Variants in COMMD10 observed in about 807,000 individuals in gnomAD.
The protein encoded by COMMD10 is COMM domain-containing protein 10.
COMMD10 carries 33 observed loss-of-function variants against 28.9 expected under a neutral mutation model. That is an observed-to-expected ratio of 1.14 (90% CI 0.87 to 1.53). COMMD10 has a LOEUF of 1.53. Among genes scored for constraint, COMMD10 ranks in the 40% most tolerant of loss-of-function variants. The probability of loss-of-function intolerance (pLI) is 0.00; values close to 1 mark genes in which losing one functional copy is unlikely to be tolerated. For synonymous variants in COMMD10, 110 were observed against 81.7 expected (o/e 1.35, Z -1.87); for missense variants, 310 against 233.4 (o/e 1.33, Z -2.14).
chr5:116,116,698 C>T (rs887698080), intron 4 of COMMD10, among the ~76,000 whole-genome samples: 16 of 145,724 alleles, frequency 1.1e-4, no homozygotes, highest in African/African-American at 3.7e-4. Flanking sequence ...CAGTAAAATG[C>T]AGAGATTTTT....
chr5:116,158,507 C>T (rs1231344396), intron 5 of COMMD10, among the ~76,000 whole-genome samples: 1 of 137,962 alleles, frequency 7.2e-6, no homozygotes, highest in Non-Finnish European at 1.6e-5. Flanking sequence ...CCCCTCCCCC[C>T]CCTTTCTCCC....
intron 5 of COMMD10, among the ~76,000 whole-genome samples, chr5:116,145,294 AGAG>A (rs1300340422): frequency 6.6e-6 from 1 of 151,836 alleles, no homozygotes; most frequent in African/African-American, 2.4e-5. Context: ...CACGACTTTG[AGAG>A]GAGAACTGTT....
At chr5:116,090,253 TTTTG>T (rs1049043841) in intron 2 of COMMD10, among the ~76,000 whole-genome samples, 6 of 152,116 alleles carry the variant, frequency 3.9e-5, no homozygotes, top group African/African-American at 1.4e-4. Flanking sequence ...TACATGGAGA[TTTTG>T]TTTCTTTGTT....
intron 5 of COMMD10, among the ~76,000 whole-genome samples, chr5:116,167,158 G>T (rs934365036): frequency 1.3e-5 from 2 of 151,884 alleles, no homozygotes; most frequent in African/African-American, 2.4e-5. Context: ...GAACATAAAT[G>T]AGCTGATGGA....
intron 5 of COMMD10, among the ~76,000 whole-genome samples, chr5:116,172,885 C>G (rs6594956): frequency 1 from 152,007 of 152,280 alleles, 75,874 homozygotes; most frequent in Middle Eastern, 1. Flanking sequence ...AAAAATTTGA[C>G]TAATACAAGA....
intron 5 of COMMD10, among the ~76,000 whole-genome samples, chr5:116,262,466 T>A (rs1364197279): frequency 1.3e-5 from 2 of 151,718 alleles, no homozygotes; most frequent in Non-Finnish European, 1.5e-5. Context: ...AGTTTCTTAA[T>A]TACCAATACT....
At chr5:116,152,794 G>A (rs1435966719) in intron 5 of COMMD10, among the ~76,000 whole-genome samples, 1 of 151,968 alleles carries the variant, frequency 6.6e-6, no homozygotes, top group African/African-American at 2.4e-5. Context: ...TTGTAATTAT[G>A]TGTTGACCTC....
chr5:116,152,533 A>G (rs566076566), intron 5 of COMMD10, among the ~76,000 whole-genome samples: 18 of 152,112 alleles, frequency 1.2e-4, no homozygotes, highest in African/African-American at 4.1e-4. Flanking sequence ...AAAGTCTACA[A>G]ATAGCCTCAA....
intron 5 of COMMD10, among the ~76,000 whole-genome samples, chr5:116,158,774 A>G (rs1752823245): frequency 6.6e-6 from 1 of 152,022 alleles, no homozygotes; most frequent in African/African-American, 2.4e-5. Flanking sequence ...TCATTAATCT[A>G]ATGGATTTGA....
intron 5 of COMMD10, among the ~76,000 whole-genome samples, chr5:116,140,188 G>A (rs748403339): frequency 1.3e-4 from 20 of 148,910 alleles, no homozygotes; most frequent in Non-Finnish European, 3.0e-5. Flanking sequence ...CCATGTTGTT[G>A]CAAATGGCAC....
At chr5:116,229,786 T>C (rs1749482491) in intron 5 of COMMD10, among the ~76,000 whole-genome samples, 1 of 152,030 alleles carries the variant, frequency 6.6e-6, no homozygotes, top group African/African-American at 2.4e-5. Flanking sequence ...TAATGTTAAA[T>C]TTTGTGTGGC....
chr5:116,237,689 A>G lies in COMMD10; in HGVS notation c.511-53828A>G, dbSNP rs115371367. The stretch of plus-strand genomic sequence containing the variant: ...TTTTTAAGCTGAAGTACTCTTAGGA[A>G]ATATTTCACATGAGCAGGTATTATC... On this transcript the variant is annotated intron_variant, in intron 5 of 6. Coordinates refer to ENST00000274458, the MANE Select transcript of COMMD10 (RefSeq NM_016144.4). Among the ~76,000 whole-genome samples, 448 of 152,224 alleles carry G rather than the reference A, an allele frequency of 2.9e-3. 3 individuals carry two copies. The highest frequency in any genetic ancestry group is 0.01 in the African/African-American group (430 of 41,548).
intron 5 of COMMD10, among the ~76,000 whole-genome samples, chr5:116,250,564 G>T (rs1391143022): frequency 6.6e-6 from 1 of 151,700 alleles, no homozygotes; most frequent in Non-Finnish European, 1.5e-5. Flanking sequence ...CCTCATAGAG[G>T]CATATACATA....
At chr5:116,208,097 G>C (rs1161880144) in intron 5 of COMMD10, among the ~76,000 whole-genome samples, 2 of 152,008 alleles carry the variant, frequency 1.3e-5, no homozygotes, top group African/African-American at 4.8e-5. Flanking sequence ...ATTTGTTTGA[G>C]TTTCCTTCTT....
chr5:116,258,397 A>G (rs756581051), intron 5 of COMMD10, among the ~76,000 whole-genome samples: 1 of 151,526 alleles, frequency 6.6e-6, no homozygotes, highest in African/African-American at 2.4e-5. Context: ...TTAGCTTCCT[A>G]CTTTTTGGAC....
chr5:116,092,005 G>A (rs987130187), intron 3 of COMMD10, among the ~76,000 whole-genome samples: 3 of 152,190 alleles, frequency 2.0e-5, no homozygotes, highest in Non-Finnish European at 4.4e-5. Flanking sequence ...GTGTTCAGTA[G>A]AAGAAAAGGA....
At chr5:116,131,852 A>G (rs1190755007) in intron 4 of COMMD10, among the ~76,000 whole-genome samples, 1 of 151,964 alleles carries the variant, frequency 6.6e-6, no homozygotes, top group Non-Finnish European at 1.5e-5. Context: ...CACTGGAGTC[A>G]AAGAAGAGGC....
chr5:116,099,429 C>T (rs1380581355), intron 4 of COMMD10, among the ~76,000 whole-genome samples: 1 of 63,084 alleles, frequency 1.6e-5, no homozygotes, highest in East Asian at 3.4e-4. Context: ...GATATCTCTT[C>T]AACTGATTTC....
At chr5:116,174,321 A>G (rs1753433206) in intron 5 of COMMD10, among the ~76,000 whole-genome samples, 2 of 152,112 alleles carry the variant, frequency 1.3e-5, no homozygotes, top group South Asian at 4.1e-4. Context: ...AGAGGTTCAG[A>G]TGATAAGGTG....
Sources: gnomAD v4.1 joint callset for allele counts (sites outside exome capture counted in the v4.1 genomes callset) on GRCh38, gnomAD v4.1.1 for gene constraint, MANE v1.5 for transcripts, NCBI Gene and HGNC (gene_info 2026-07-23, HGNC 2026-07-21) for gene names.